COBL: variants seen among roughly 807,000 people sequenced by gnomAD.
COBL encodes the protein cordon-bleu WH2 repeat protein, also known as protein cordon-bleu.
A neutral mutation model predicts 98.8 loss-of-function variants in COBL; 51 were observed. That is an observed-to-expected ratio of 0.52 (90% CI 0.41 to 0.65). The LOEUF (loss-of-function observed/expected upper bound fraction) is 0.65, where lower values mean the gene tolerates loss of function less well. Ranked by LOEUF, COBL falls within the 30% of genes least tolerant of loss-of-function variation. The probability of loss-of-function intolerance (pLI) is 0.00; values close to 1 mark genes in which losing one functional copy is unlikely to be tolerated. For synonymous variants in COBL, 634 were observed against 651.7 expected (o/e 0.97, Z 0.41); for missense variants, 1,617 against 1,617.5 (o/e 1.00, Z 0.01).
intron 1 of COBL, among the ~76,000 whole-genome samples, chr7:51,307,377 C>CA (rs1189982705): frequency 6.6e-6 from 1 of 151,522 alleles, no homozygotes; most frequent in African/African-American, 2.4e-5. Context: ...AAAACAAAAA[C>CA]AAAAAAAGGA....
chr7:51,076,845 A>G (rs1345895972), intron 7 of COBL, among the ~76,000 whole-genome samples: 4 of 152,198 alleles, frequency 2.6e-5, no homozygotes, highest in African/African-American at 4.8e-5. Context: ...ATGTGTAAGA[A>G]AATGACAGTC....
intron 7 of COBL, among the ~76,000 whole-genome samples, chr7:51,079,457 T>C (rs73695275): frequency 0.013 from 1,994 of 152,362 alleles, 49 homozygotes; most frequent in African/African-American, 0.046. Context: ...ATTTATGCTA[T>C]GTGTCAGGCA....
intron 1 of COBL, among the ~76,000 whole-genome samples, chr7:51,292,240 C>T (rs995698650): frequency 2.3e-4 from 35 of 151,804 alleles, no homozygotes; most frequent in African/African-American, 8.5e-4. Context: ...ATGTTCTCTG[C>T]TTTTATTTAC....
chr7:51,063,321 G>A (rs1384601142), intron 7 of COBL, among the ~76,000 whole-genome samples: 1 of 152,078 alleles, frequency 6.6e-6, no homozygotes, highest in Non-Finnish European at 1.5e-5. Context: ...TTTCAGTAGA[G>A]ATGGGGTTTT....
At chr7:51,084,743 T>C (rs1374063608) in intron 7 of COBL, among the ~76,000 whole-genome samples, 6 of 152,206 alleles carry the variant, frequency 3.9e-5, no homozygotes, top group Non-Finnish European at 8.8e-5. Flanking sequence ...CAAAAATTAC[T>C]GAGCTGATGT....
At chr7:51,152,183 G>A (rs1234598420) in intron 5 of COBL, among the ~76,000 whole-genome samples, 3 of 152,202 alleles carry the variant, frequency 2.0e-5, no homozygotes, top group Non-Finnish European at 2.9e-5. Context: ...ACAAGGGACA[G>A]GCCCAAGACA....
intron 6 of COBL, among the ~76,000 whole-genome samples, chr7:51,121,363 A>G (rs1167028974): frequency 6.6e-6 from 1 of 151,948 alleles, no homozygotes; most frequent in Non-Finnish European, 1.5e-5. Context: ...TTTTTAATTG[A>G]GTTGTTTGTT....
At chr7:51,038,026 A>T (rs1012312350) in intron 8 of COBL, among the ~76,000 whole-genome samples, 3 of 151,872 alleles carry the variant, frequency 2.0e-5, no homozygotes, top group African/African-American at 7.3e-5. Context: ...TATTTTTTGT[A>T]ATTTTAGTAG....
intron 6 of COBL, among the ~76,000 whole-genome samples, chr7:51,112,822 A>C (rs1260293032): frequency 6.6e-6 from 1 of 152,196 alleles, no homozygotes; most frequent in Non-Finnish European, 1.5e-5. Context: ...TGCCCCATCT[A>C]GATCTGTTTT....
intron 6 of COBL, among the ~76,000 whole-genome samples, chr7:51,123,421 G>A (rs190540433): frequency 2.6e-4 from 39 of 152,240 alleles, no homozygotes; most frequent in African/African-American, 8.7e-4. Flanking sequence ...ATCCCTTGTC[G>A]CTAACTTGCC....
At chr7:51,127,077 G>A (rs1171183955) in intron 6 of COBL, among the ~76,000 whole-genome samples, 1 of 152,172 alleles carries the variant, frequency 6.6e-6, no homozygotes, top group Non-Finnish European at 1.5e-5. Context: ...GCAAATACAA[G>A]CTGTGTGCTC....
intron 4 of COBL, among the ~76,000 whole-genome samples, chr7:51,187,310 G>GTATATA (rs67807746): frequency 0.032 from 4,320 of 137,120 alleles, 64 homozygotes; most frequent in Middle Eastern, 0.077. Context: ...ATATGTTTAA[G>GTATATA]TATATATATA....
chr7:51,027,599 A>T, intron 10 of COBL, 113 bp downstream of exon 10: 1 of 878,074 alleles, frequency 1.1e-6, no homozygotes, highest in Non-Finnish European at 1.8e-6. Flanking sequence ...GGTAAGCCTC[A>T]CTGTTATCCT....
intron 8 of COBL, among the ~76,000 whole-genome samples, chr7:51,041,425 T>A (rs547702993): frequency 6.6e-6 from 1 of 152,156 alleles, no homozygotes; most frequent in Non-Finnish European, 1.5e-5. Flanking sequence ...TTCATTCATT[T>A]TGGTGACTGG....
intron 7 of COBL, among the ~76,000 whole-genome samples, chr7:51,060,033 C>A (rs1300264766): frequency 6.6e-6 from 1 of 152,160 alleles, no homozygotes; most frequent in Non-Finnish European, 1.5e-5. Context: ...GCCGTAAGCT[C>A]TGCCGGATGC....
intron 7 of COBL, among the ~76,000 whole-genome samples, chr7:51,060,437 C>CT (rs1252698804): frequency 1.3e-5 from 2 of 152,218 alleles, no homozygotes; most frequent in Admixed American, 6.5e-5. Context: ...ATGGAACTCA[C>CT]TGGTCTTACC....
chr7:51,054,444 T>C (rs1297190256), intron 7 of COBL, among the ~76,000 whole-genome samples: 1 of 152,208 alleles, frequency 6.6e-6, no homozygotes, highest in African/African-American at 2.4e-5. Context: ...TCCTCGTATG[T>C]GTGCTGGGCT....
intron 7 of COBL, 66 bp from the exon 8 acceptor site, chr7:51,043,758 G>A (rs1789430830): frequency 7.2e-7 from 1 of 1,398,424 alleles, no homozygotes; most frequent in East Asian, 2.3e-5. Flanking sequence ...CCTAACAAGT[G>A]TGACATCAGT....
At chr7:51,264,672 C>CCA (rs1798030215) in intron 1 of COBL, among the ~76,000 whole-genome samples, 1 of 48,352 alleles carries the variant, frequency 2.1e-5, no homozygotes, top group Non-Finnish European at 4.6e-5. Context: ...CTCCATCTCC[C>CCA]AAAAAAAAAA....
Sources: gnomAD v4.1 joint callset for allele counts (sites outside exome capture counted in the v4.1 genomes callset) on GRCh38, gnomAD v4.1.1 for gene constraint, MANE v1.5 for transcripts, NCBI Gene and HGNC (gene_info 2026-07-23, HGNC 2026-07-21) for gene names.